Variants in RCC1L observed in about 807,000 individuals in gnomAD.
RCC1L encodes the protein RCC1-like G exchanging factor-like protein.
In RCC1L, 46 loss-of-function variants were observed where a neutral mutation model predicts 58.6. That is an observed-to-expected ratio of 0.79 (90% confidence interval 0.62 to 1.00). RCC1L has a LOEUF of 1.00. Among genes scored for constraint, RCC1L ranks in the 50% least tolerant of loss-of-function variants. RCC1L has a pLI of 0.00. For synonymous variants in RCC1L, 281 were observed against 262.9 expected (o/e 1.07, Z -0.67); for missense variants, 636 against 623.6 (o/e 1.02, Z -0.21).
intron 9 of RCC1L, 39 bp from the exon 10 acceptor site, chr7:75,052,835 T>C: frequency 6.3e-7 from 1 of 1,584,908 alleles, no homozygotes; most frequent in Non-Finnish European, 8.6e-7. Context: ...TGGGACTGTG[T>C]GAAGAACAAG....
intron 1 of RCC1L, among the ~76,000 whole-genome samples, chr7:75,072,029 G>A (rs1434713071): frequency 1.3e-5 from 2 of 148,932 alleles, no homozygotes; most frequent in Non-Finnish European, 3.0e-5. Context: ...CCAGGAGGTC[G>A]AGGCTGCAGT....
intron 8 of RCC1L, chr7:75,056,389 T>C (rs1806082146): frequency 7.5e-6 from 7 of 932,538 alleles, no homozygotes; most frequent in Non-Finnish European, 9.2e-6. Context: ...AGAAAACCCA[T>C]ACGAATACCA....
intron 1 of RCC1L, among the ~76,000 whole-genome samples, chr7:75,072,155 CATATACATATATATATATAT>C (rs1249473764): frequency 0.017 from 800 of 48,140 alleles, 91 homozygotes; most frequent in Admixed American, 0.03. Flanking sequence ...TATACATATA[CATATACATATATATATATAT>C]ATATATATAT....
downstream of RCC1L, among the ~76,000 whole-genome samples, chr7:75,041,238 CTAAA>C (rs1162140685): frequency 4.3e-5 from 6 of 139,674 alleles, no homozygotes; most frequent in Admixed American, 7.1e-5. Flanking sequence ...AACTAACTAA[CTAAA>C]TAAATAAAGG....
At chr7:75,051,057 G>A (rs1805887804) in intron 10 of RCC1L, among the ~76,000 whole-genome samples, 1 of 151,826 alleles carries the variant, frequency 6.6e-6, no homozygotes, top group African/African-American at 2.4e-5. Flanking sequence ...TCACATCACT[G>A]CAATCCAGCC....
At chr7:75,055,355 G>A (rs1806042317) in intron 9 of RCC1L, among the ~76,000 whole-genome samples, 1 of 152,060 alleles carries the variant, frequency 6.6e-6, no homozygotes, top group Non-Finnish European at 1.5e-5. Context: ...AATCTGGCAG[G>A]CCTTTGGGAA....
Position 75,058,754 on chromosome 7 carries a change from T to C in RCC1L, c.803A>G (p.Asn268Ser), listed in dbSNP as rs1806170286. 3.1e-6 allele frequency: 5 copies of C among 1,613,970 alleles called. No individual in the cohort carries two copies. Among genetic ancestry groups the C allele is most frequent in the Admixed American group, 3.3e-5 (2 of 60,020 alleles). The stretch of plus-strand genomic sequence containing the variant: ...CAGCTTGGTGGGCGAGCTGGTGATA[T>C]TGTAGTGACCCAGACCTAACACAGT... ...ADGQTGLGHY[N>S]ITSSPTKLGG... The change falls in exon 7 of 11, where the codon AAT (asparagine) becomes AGT (serine). Residue 268 changes from asparagine to serine, a missense_variant. Coordinates refer to ENST00000610322, the MANE Select transcript of RCC1L (RefSeq NM_030798.5).
intron 10 of RCC1L, among the ~76,000 whole-genome samples, chr7:75,047,959 A>AAG (rs1805782342): frequency 1.4e-5 from 2 of 146,946 alleles, no homozygotes; most frequent in South Asian, 4.2e-4. Context: ...ATTAAAAAAA[A>AAG]AAAAAAAAAA....
intron 3 of RCC1L, among the ~76,000 whole-genome samples, chr7:75,065,189 TAAA>T (rs782557967): frequency 7.3e-6 from 1 of 137,674 alleles, no homozygotes; most frequent in African/African-American, 2.7e-5. Context: ...ACTTTTTAAT[TAAA>T]AAAAAAAAAA....
downstream of RCC1L, chr7:75,042,044 C>T: frequency 2.1e-6 from 1 of 486,324 alleles, no homozygotes. Context: ...AAGACCTTGT[C>T]TCTATAAAAA....
At chr7:75,041,777 T>A (rs1429409650), downstream of RCC1L, among the ~76,000 whole-genome samples, 1 of 146,222 alleles carries the variant, frequency 6.8e-6, no homozygotes, top group Non-Finnish European at 1.5e-5. Flanking sequence ...GGCAGGAGAA[T>A]AATTTGAACC....
intron 2 of RCC1L, among the ~76,000 whole-genome samples, chr7:75,069,482 C>T (rs1430362021): frequency 5.3e-5 from 8 of 152,172 alleles, no homozygotes; most frequent in African/African-American, 1.9e-4. Context: ...GCTGGGATTA[C>T]AGGCGTGAGC....
At chr7:75,037,291 TCTC>T (rs1290518672), downstream of RCC1L, among the ~76,000 whole-genome samples, 194 of 152,156 alleles carry the variant, frequency 1.3e-3, 1 homozygote, top group African/African-American at 4.3e-3. Context: ...TTCAAGCGAT[TCTC>T]CTGCCTCAGC....
At chr7:75,028,136 G>C in intron 10 of RCC1L, 1 of 804,788 alleles carries the variant, frequency 1.2e-6, no homozygotes, top group Non-Finnish European at 1.8e-6. Context: ...TTTTTTTTTT[G>C]AGACGGAGTC....
At chr7:75,055,369 C>A (rs935172742) in intron 9 of RCC1L, among the ~76,000 whole-genome samples, 1 of 152,070 alleles carries the variant, frequency 6.6e-6, no homozygotes, top group Non-Finnish European at 1.5e-5. Flanking sequence ...TTGGGAAAAA[C>A]CTCCATTTTG....
At chr7:75,048,701 G>T (rs999330845) in intron 10 of RCC1L, among the ~76,000 whole-genome samples, 29 of 152,336 alleles carry the variant, frequency 1.9e-4, no homozygotes, top group African/African-American at 6.7e-4. Context: ...ACACCCCCTC[G>T]CTGCCTGCTG....
chr7:75,037,321 A>T (rs1805450839), downstream of RCC1L, among the ~76,000 whole-genome samples: 1 of 151,968 alleles, frequency 6.6e-6, no homozygotes, highest in Admixed American at 6.6e-5. Flanking sequence ...AGCAGCTGGG[A>T]TTACAGGCAT....
At chr7:75,028,096 A>G in intron 10 of RCC1L, 1 of 1,487,546 alleles carries the variant, frequency 6.7e-7, no homozygotes, top group African/African-American at 1.4e-5. Flanking sequence ...GGGGAGGAAG[A>G]GGGCTCTCTA....
At chr7:75,049,486 TAAAAAA>T (rs1470334111) in intron 10 of RCC1L, among the ~76,000 whole-genome samples, 1 of 145,754 alleles carries the variant, frequency 6.9e-6, no homozygotes, top group African/African-American at 2.5e-5. Context: ...CCCCGTCTCT[TAAAAAA>T]AAAACGAAAA....
Sources: allele counts gnomAD v4.1 joint callset (sites outside exome capture counted in the v4.1 genomes callset), GRCh38; gene constraint gnomAD v4.1.1; transcripts MANE v1.5; gene names NCBI Gene and HGNC (gene_info 2026-07-23, HGNC 2026-07-21).